Variants in TNFRSF10A observed in about 807,000 individuals in gnomAD.
TNFRSF10A encodes TNF receptor superfamily member 10a, also known as tumor necrosis factor receptor superfamily member 10A.
A neutral mutation model predicts 42.8 loss-of-function variants in TNFRSF10A; 44 were observed. The ratio of observed to expected loss-of-function variants is 1.03; its 90% CI spans 0.81 to 1.32. The LOEUF (loss-of-function observed/expected upper bound fraction) is 1.32. Ranked by LOEUF, TNFRSF10A falls within the 40% of genes most tolerant of loss-of-function variation. The pLI, the probability that TNFRSF10A is intolerant of heterozygous loss-of-function variation, is 0.00. For synonymous variants in TNFRSF10A, 259 were observed against 234.2 expected (o/e 1.11, Z -0.97); for missense variants, 680 against 602.0 (o/e 1.13, Z -1.36).
At chr8:23,201,756 T>G in intron 4 of TNFRSF10A, 52 bp downstream of exon 4, 4 of 1,559,778 alleles carry the variant, frequency 2.6e-6, no homozygotes, top group Non-Finnish European at 3.5e-6. Flanking sequence ...TAGGGTTCCT[T>G]GCTTCTGTGG....
chr8:23,224,841 G>A lies in TNFRSF10A; in HGVS notation c.221C>T (p.Pro74Leu). ...PSARARAGRA[P>L]GPRPAREASP... ...GGCTTCCCGCGCCGGCCTGGGTCCT[G>A]GGGCGCGCCCTGCCCGGGCCCGGGC... Residue 74 changes from proline (P) to leucine (L), a missense_variant, in exon 1 of 10, where the codon CCA becomes CTA. Transcript: ENST00000221132. 6.4e-7 allele frequency: 1 copy of A among 1,566,416 alleles called. No individual in the cohort carries two copies. The highest frequency in any genetic ancestry group is 1.2e-5 in the South Asian group (1 of 85,614).
intron 4 of TNFRSF10A, 87 bp downstream of exon 4, chr8:23,201,721 G>C (rs946944781): frequency 9.0e-6 from 11 of 1,225,844 alleles, no homozygotes; most frequent in Non-Finnish European, 2.4e-6. Flanking sequence ...TGATAGATAC[G>C]GGTACAAGGA....
intron 2 of TNFRSF10A, among the ~76,000 whole-genome samples, chr8:23,211,582 A>G (rs1801092363): frequency 6.6e-6 from 1 of 152,220 alleles, no homozygotes; most frequent in African/African-American, 2.4e-5. Context: ...GCCCAGCATA[A>G]ACAAAATAAT....
rs757768301 is a variant in TNFRSF10A at position 23,202,687 on chromosome 8, T to G, written c.478A>C (p.Asn160His). Reference sequence around the variant, plus strand: ...GTACATGGGAGGCAAGCAAACAAATTGTTGGAAGCATTGGTGTAACCCACA... The same window carrying G: ...GTACATGGGAGGCAAGCAAACAAATGGTTGGAAGCATTGGTGTAACCCACA... ...EGVGYTNASN[N>H]LFACLPCTAC... Residue 160 changes from asparagine (N) to histidine (H), a missense_variant, in exon 3 of 10, where the codon AAT (asparagine) becomes CAT (histidine). Transcript: ENST00000221132. The G allele has an allele frequency of 1.9e-6, 3 of 1,613,840 alleles. No homozygotes were observed. Among genetic ancestry groups the G allele is most frequent in the African/African-American group, 1.3e-5 (1 of 74,876 alleles).
rs867274685 is a variant in TNFRSF10A, at chr8:23,201,034, C to T, written c.630-274G>A. ...TGGGCACACACTAATCTTCCCTGGG[C>T]TGCAGGGGAGGCCTGCGTTAGGAGG... On this transcript the variant is annotated intron_variant, in intron 4 of 9. Coordinates refer to ENST00000221132, the MANE Select transcript of TNFRSF10A (RefSeq NM_003844.4). Among the ~76,000 whole-genome samples the T allele has an allele frequency of 5.3e-5, 8 of 152,290 alleles. No individual in the cohort carries two copies. In the Middle Eastern group the frequency reaches 0.014, roughly 259 times the overall value.
chr8:23,195,530 GA>G (rs147845111), intron 9 of TNFRSF10A, among the ~76,000 whole-genome samples: 15,143 of 152,160 alleles, frequency 0.1, 969 homozygotes, highest in Middle Eastern at 0.17. Flanking sequence ...TTTTACAATG[GA>G]ACACAGTTGG....
At position 23,191,064 on chromosome 8, in the gene TNFRSF10A, G is replaced by C. The variant is rs1407185083; in HGVS notation, c.*630C>G. The C allele has an allele frequency of 6.6e-6, 1 of 152,092 alleles. No individual in the cohort carries two copies. Among genetic ancestry groups the C allele is most frequent in the Non-Finnish European group, 1.5e-5 (1 of 68,074 alleles). 9.4% of individuals were successfully genotyped at this position (152,092 alleles called of 1,614,324 possible). A position where few individuals can be genotyped will look rare whatever the true frequency, so the allele number is the denominator to read the frequency against. On this transcript the variant is annotated 3_prime_UTR_variant, in exon 10 of 10. Transcript: ENST00000221132. ...CGGACGGTGCCCCCCCAAATTAAGG[G>C]TAGGTCTTTTCCACTCAGTCCACCC...
rs1585291495 is a variant in TNFRSF10A at position 23,225,102 on chromosome 8, C to G, written c.-41G>C. The stretch of plus-strand genomic sequence containing the variant: ...CAAGAAGCAGCGTGCTTGGCTATGA[C>G]AAGACAGAACTTCGCATTCGGAGTT... On this transcript the variant is annotated 5_prime_UTR_variant, in exon 1 of 10. Coordinates refer to ENST00000221132, the MANE Select transcript of TNFRSF10A (RefSeq NM_003844.4). The G allele has an allele frequency of 2.7e-6, 4 of 1,456,108 alleles. No homozygotes were observed. The highest frequency in any genetic ancestry group is 2.6e-5 in the Admixed American group (1 of 38,476). 90.2% of individuals were successfully genotyped at this position (1,456,108 alleles called of 1,614,324 possible).
Position 23,191,870 on chromosome 8 carries a change from T to C in TNFRSF10A, c.1231A>G (p.Met411Val), listed in dbSNP as rs767538728. 12 of 1,614,142 alleles carry C rather than the reference T, an allele frequency of 7.4e-6. No homozygotes were observed. Among genetic ancestry groups the C allele is most frequent in the Non-Finnish European group, 1.0e-5 (12 of 1,180,004 alleles). Residue 411 changes from methionine (M) to valine (V), a missense_variant, in exon 10 of 10, where the codon ATG becomes GTG. Coordinates refer to ENST00000221132, the MANE Select transcript of TNFRSF10A (RefSeq NM_003844.4). ...GTTTTGTTGACCCATTTCATCAGCA[T>C]TGCATACAAGGCATCCCCTGGGCCT... ...TAGPGDALYA[M>V]LMKWVNKTGR...
chr8:23,212,041 G>A, intron 2 of TNFRSF10A, 75 bp downstream of exon 2: 1 of 1,296,936 alleles, frequency 7.7e-7, no homozygotes, highest in Non-Finnish European at 1.1e-6. Context: ...GATGAATTTT[G>A]AGATAATTTT....
rs183554351 is a variant in TNFRSF10A at position 23,214,368 on chromosome 8, G to A, written c.307-2156C>T. Among the ~76,000 whole-genome samples, 224 of 151,884 alleles carry A rather than the reference G, an allele frequency of 1.5e-3. 2 individuals carry two copies. The highest frequency in any genetic ancestry group is 3.4e-3 in the Middle Eastern group (1 of 294). ...CCGGGCGTGGTGGCGGGTGCCTGTA[G>A]TCCCAGCTACACGGGAGGCTGAGGC... is the stretch of plus-strand genomic sequence containing the variant. On this transcript the variant is annotated intron_variant, in intron 1 of 9. Transcript: ENST00000221132.
chr8:23,205,523 A>G (rs754042114), intron 2 of TNFRSF10A, among the ~76,000 whole-genome samples: 2 of 152,170 alleles, frequency 1.3e-5, no homozygotes, highest in African/African-American at 2.4e-5. Flanking sequence ...CTTACAAATA[A>G]AAAAGGTAAC....
chr8:23,192,067 G>A, intron 9 of TNFRSF10A, 54 bp from the exon 10 acceptor site: 1 of 1,559,190 alleles, frequency 6.4e-7, no homozygotes, highest in Non-Finnish European at 8.6e-7. Flanking sequence ...CAGTTCAGAA[G>A]GGGCAGAGGA....
chr8:23,209,194 G>A (rs1237435893), intron 2 of TNFRSF10A, among the ~76,000 whole-genome samples: 1 of 152,218 alleles, frequency 6.6e-6, no homozygotes, highest in African/African-American at 2.4e-5. Context: ...TTGAGGTTTG[G>A]GAACCTCCAC....
At chr8:23,221,611 G>T (rs574760119) in intron 1 of TNFRSF10A, among the ~76,000 whole-genome samples, 1 of 152,252 alleles carries the variant, frequency 6.6e-6, no homozygotes, top group East Asian at 1.9e-4. Flanking sequence ...CAGGCATGGC[G>T]GGTGGCAGGA....
At chr8:23,219,670 A>G (rs556558579) in intron 1 of TNFRSF10A, among the ~76,000 whole-genome samples, 1 of 152,232 alleles carries the variant, frequency 6.6e-6, no homozygotes, top group East Asian at 1.9e-4. Flanking sequence ...GCCCTGAAAA[A>G]CCACACAGGA....
At chr8:23,197,847 C>G (rs1248933642) in intron 8 of TNFRSF10A, among the ~76,000 whole-genome samples, 1 of 152,134 alleles carries the variant, frequency 6.6e-6, no homozygotes, top group Non-Finnish European at 1.5e-5. Flanking sequence ...AATGATATCT[C>G]ATAGTTACTT....
In TNFRSF10A at chr8:23,211,075, G is replaced by T. The variant is rs537375544; in HGVS notation, c.403+1041C>A. Among the ~76,000 whole-genome samples the T allele has an allele frequency of 2.6e-5, 4 of 152,170 alleles. No homozygotes were observed. The East Asian group carries it at 7.7e-4, about 29-fold the overall frequency. ...AGCCAGGACAATTAGGTAAGAAAAA[G>T]AAATAAAAAGCATCCAGATTGGAAA... On this transcript the variant is annotated intron_variant, in intron 2 of 9. Transcript: ENST00000221132.
chr8:23,191,801 T>G lies in TNFRSF10A; in HGVS notation c.1300A>C (p.Arg434=), dbSNP rs61761316. The G allele has an allele frequency of 7.7e-4, 1,235 of 1,613,936 alleles. 2 individuals carry two copies. The highest frequency in any genetic ancestry group is 1.0e-3 in the Non-Finnish European group (1,175 of 1,180,014). ...TCTCTTGCATGTCTCTCTTCCATCCTCTCCAAGGCATCCAGCAGGGTGTGG... is the reference window on the plus strand; with the variant it reads ...TCTCTTGCATGTCTCTCTTCCATCCGCTCCAAGGCATCCAGCAGGGTGTGG... ...SIHTLLDALE[R]MEERHAREKI... Residue 434 remains arginine (R), a synonymous_variant, in exon 10 of 10, where the codon AGG becomes CGG. Transcript: ENST00000221132.
Sources: allele counts gnomAD v4.1 joint callset (sites outside exome capture counted in the v4.1 genomes callset), GRCh38; gene constraint gnomAD v4.1.1; transcripts MANE v1.5; gene names NCBI Gene and HGNC (gene_info 2026-07-23, HGNC 2026-07-21).